The following DLC1 variants were observed in gnomAD, a reference collection of about 807,000 sequenced individuals.
DLC1 encodes the protein DLC1 Rho GTPase activating protein, also known as rho GTPase-activating protein 7.
A neutral mutation model predicts 140.3 loss-of-function variants in DLC1; 54 were observed. The ratio of observed to expected loss-of-function variants is 0.38; its 90% CI spans 0.31 to 0.48. The LOEUF (loss-of-function observed/expected upper bound fraction) is 0.48, where lower values mean the gene tolerates loss of function less well. Ranked by LOEUF, DLC1 falls within the 20% of genes least tolerant of loss-of-function variation. The pLI is 0.96. For synonymous variants in DLC1, 986 were observed against 728.1 expected, an observed-to-expected ratio of 1.35 and a Z score of -5.70; for missense variants, 2,536 against 1,907.0, an observed-to-expected ratio of 1.33 and a Z score of -6.14.
chr8:13,489,837 A>G (rs1344598023), intron 2 of DLC1, among the ~76,000 whole-genome samples: 2 of 152,332 alleles, frequency 1.3e-5, no homozygotes, highest in South Asian at 2.1e-4. Flanking sequence ...TAGAATTTGC[A>G]TTATTTTCAG....
chr8:13,481,288 A>C (rs932282898), intron 2 of DLC1, among the ~76,000 whole-genome samples: 1 of 152,026 alleles, frequency 6.6e-6, no homozygotes, highest in Non-Finnish European at 1.5e-5. Flanking sequence ...TTAACCAGGC[A>C]TGGTGGTGCA....
intron 1 of DLC1, among the ~76,000 whole-genome samples, chr8:13,568,553 G>A (rs1804537011): frequency 6.6e-6 from 1 of 150,414 alleles, no homozygotes; most frequent in Non-Finnish European, 1.5e-5. Context: ...ATAGCTGGAA[G>A]TTGAAGCCGT....
intron 5 of DLC1, among the ~76,000 whole-genome samples, chr8:13,161,792 G>A (rs1824723014): frequency 6.6e-6 from 1 of 152,150 alleles, no homozygotes; most frequent in Admixed American, 6.5e-5. Context: ...ACAATACACT[G>A]ATTCTTAACC....
intron 5 of DLC1, among the ~76,000 whole-genome samples, chr8:13,246,583 A>C (rs1236550353): frequency 6.6e-6 from 1 of 152,204 alleles, no homozygotes; most frequent in Non-Finnish European, 1.5e-5. Context: ...TGAAGAGTTC[A>C]CAGCAATTCA....
chr8:13,560,166 A>G (rs1247932394), intron 1 of DLC1, among the ~76,000 whole-genome samples: 1 of 152,246 alleles, frequency 6.6e-6, no homozygotes, highest in East Asian at 1.9e-4. Context: ...TGAGTAATAT[A>G]GAACCTACAT....
At chr8:13,233,331 G>T (rs78925532) in intron 5 of DLC1, among the ~76,000 whole-genome samples, 11,621 of 133,302 alleles carry the variant, frequency 0.087, 567 homozygotes, top group South Asian at 0.15. Context: ...AAAAAGAGTA[G>T]TGTATATTCA....
At chr8:13,548,351 C>T (rs6988844) in intron 1 of DLC1, among the ~76,000 whole-genome samples, 41,017 of 143,846 alleles carry the variant, frequency 0.29, 5,991 homozygotes, top group South Asian at 0.42. Flanking sequence ...TGGTTTATAT[C>T]TTGTTCATTG....
intron 5 of DLC1, among the ~76,000 whole-genome samples, chr8:13,221,442 C>T (rs1828544504): frequency 2.0e-5 from 3 of 151,358 alleles, no homozygotes; most frequent in Admixed American, 2.0e-4. Context: ...GCAATCTCAG[C>T]TCACTGCACC....
intron 1 of DLC1, among the ~76,000 whole-genome samples, chr8:13,587,643 T>C (rs908971660): frequency 6.7e-6 from 1 of 149,270 alleles, no homozygotes; most frequent in Non-Finnish European, 1.5e-5. Context: ...TATATATATA[T>C]GTATGTTTAT....
At chr8:13,558,216 A>C (rs1804120399) in intron 1 of DLC1, 1 of 152,198 alleles carries the variant, frequency 6.6e-6, no homozygotes, top group African/African-American at 2.4e-5. Flanking sequence ...TGGTTCTTCT[A>C]TTCTGTTTTA....
chr8:13,113,623 C>G (rs1820298174), intron 6 of DLC1, among the ~76,000 whole-genome samples: 1 of 152,238 alleles, frequency 6.6e-6, no homozygotes, highest in African/African-American at 2.4e-5. Flanking sequence ...AGGACAGCCA[C>G]TTTGGTGTTA....
chr8:13,465,184 A>G (rs903032087), intron 2 of DLC1, among the ~76,000 whole-genome samples: 5 of 152,202 alleles, frequency 3.3e-5, no homozygotes, highest in African/African-American at 4.8e-5. Flanking sequence ...GTATTTAATT[A>G]TTATGAGCAG....
chr8:13,567,067 A>G (rs1269697569), intron 1 of DLC1: 2 of 1,551,776 alleles, frequency 1.3e-6, no homozygotes, highest in East Asian at 2.4e-5. Flanking sequence ...TGAGACTTTG[A>G]AGAACTCTAC....
intron 1 of DLC1, among the ~76,000 whole-genome samples, chr8:13,502,724 T>G (rs1300171791): frequency 6.6e-6 from 1 of 151,446 alleles, no homozygotes; most frequent in African/African-American, 2.5e-5. Flanking sequence ...TAAAATTACA[T>G]TTCAAAAAAC....
At chr8:13,323,170 A>G (rs573333994) in intron 4 of DLC1, among the ~76,000 whole-genome samples, 38 of 152,306 alleles carry the variant, frequency 2.5e-4, no homozygotes, top group Non-Finnish European at 4.0e-4. Flanking sequence ...GTGAGATTAT[A>G]TACGTTCATG....
chr8:13,212,232 G>T (rs765139074), intron 5 of DLC1, among the ~76,000 whole-genome samples: 1 of 152,136 alleles, frequency 6.6e-6, no homozygotes, highest in South Asian at 2.1e-4. Context: ...TGACCAACCA[G>T]CCACGATGGC....
Position 13,223,173 on chromosome 8 carries a change from G to A in DLC1, c.1348+82096C>T, listed in dbSNP as rs547476302. 5.3e-5 allele frequency among the ~76,000 whole-genome samples: 8 copies of A among 152,138 alleles called. No individual in the cohort carries two copies. In the East Asian group the frequency reaches 1.2e-3, roughly 22 times the overall value. The stretch of plus-strand genomic sequence containing the variant: ...ACGGAGAGAGTAACACTGTAGGTTT[G>A]TTAAATGATAATGTGAAATGCTACA... On this transcript the variant is annotated intron_variant, in intron 5 of 17. Transcript: ENST00000276297.
At chr8:13,444,299 C>T (rs535100429) in intron 2 of DLC1, among the ~76,000 whole-genome samples, 14 of 152,122 alleles carry the variant, frequency 9.2e-5, no homozygotes, top group East Asian at 1.9e-4. Flanking sequence ...GGGGCCTGAC[C>T]GGTGGTGCGG....
chr8:13,571,949 A>C lies in DLC1; in HGVS notation c.-126+32588T>G, dbSNP rs376983468. 5.1e-4 allele frequency among the ~76,000 whole-genome samples: 78 copies of C among 152,200 alleles called. 2 individuals carry two copies. In the South Asian group the frequency reaches 0.015, roughly 30 times the overall value. On this transcript the variant is annotated intron_variant, in intron 1 of 1. Coordinates refer to the DLC1 transcript ENST00000631382. ...ATTGTACTTTGACTTATAATTTCCA[A>C]ATCCCTAATGATGCTAAACAGTTTT...
Sources: allele counts gnomAD v4.1 joint callset (sites outside exome capture counted in the v4.1 genomes callset), GRCh38; gene constraint gnomAD v4.1.1; transcripts MANE v1.5; gene names NCBI Gene and HGNC (gene_info 2026-07-23, HGNC 2026-07-21).